The following DISC1 variants were observed in gnomAD, a reference collection of about 807,000 sequenced individuals.
DISC1 encodes DISC1 scaffold protein.
A neutral mutation model predicts 84.5 loss-of-function variants in DISC1; 57 were observed. That is an observed-to-expected ratio of 0.67 (90% confidence interval 0.55 to 0.84). DISC1 has a LOEUF of 0.84. Ranked by LOEUF, DISC1 falls within the 40% of genes least tolerant of loss-of-function variation. The pLI is 0.00. For synonymous variants in DISC1, 411 were observed against 415.2 expected, an observed-to-expected ratio of 0.99 and a Z score of 0.12; for missense variants, 1,000 against 1,057.8, an observed-to-expected ratio of 0.95 and a Z score of 0.76.
chr1:231,894,505 T>TC (rs2126011826), intron 9 of DISC1, among the ~76,000 whole-genome samples: 1 of 152,278 alleles, frequency 6.6e-6, no homozygotes, highest in Non-Finnish European at 1.5e-5. Context: ...ATCTTTTCCT[T>TC]CTTTTTTTTC....
rs1344605475 is a variant in DISC1, at chr1:232,009,924, C to T, written c.2307+875C>T. Among the ~76,000 whole-genome samples, 1 of 152,170 alleles carries T rather than the reference C, an allele frequency of 6.6e-6. No individual in the cohort carries two copies. The highest frequency in any genetic ancestry group is 1.5e-5 in the Non-Finnish European group (1 of 68,026). ...TGTTAGATGTTAGCTGTGCTTCCTCCCTGGGTCTTTGCCAGGACTCACCAC... is the reference window on the plus strand; with the variant it reads ...TGTTAGATGTTAGCTGTGCTTCCTCTCTGGGTCTTTGCCAGGACTCACCAC... On this transcript the variant is annotated intron_variant, in intron 11 of 12. Coordinates refer to ENST00000439617, the MANE Select transcript of DISC1 (RefSeq NM_018662.3). This position sits in a 1 kb window ranked among gnomAD's most constrained non-coding sequence, Gnocchi z 4.6.
At chr1:231,730,478 A>G (rs1385091547) in intron 3 of DISC1, among the ~76,000 whole-genome samples, 1 of 152,188 alleles carries the variant, frequency 6.6e-6, no homozygotes, top group Non-Finnish European at 1.5e-5. Context: ...GTTTGTGACA[A>G]GGATGTGTTG....
At chr1:231,727,539 T>C (rs2070891940) in intron 3 of DISC1, among the ~76,000 whole-genome samples, 1 of 152,186 alleles carries the variant, frequency 6.6e-6, no homozygotes, top group African/African-American at 2.4e-5. Flanking sequence ...CCTCTGGGTG[T>C]TGGGACTCAC....
At chr1:231,744,238 C>T (rs751206805) in intron 3 of DISC1, among the ~76,000 whole-genome samples, 2 of 152,014 alleles carry the variant, frequency 1.3e-5, no homozygotes, top group African/African-American at 2.4e-5. Context: ...GCTCATGGCC[C>T]GAGGTGATGG....
chr1:231,955,028 A>G (rs1270738772), intron 9 of DISC1, among the ~76,000 whole-genome samples: 1 of 152,222 alleles, frequency 6.6e-6, no homozygotes, highest in Non-Finnish European at 1.5e-5. Flanking sequence ...GAGATGAGGC[A>G]AATACTTAGC....
chr1:231,974,319 C>A (rs1662475150), intron 10 of DISC1, among the ~76,000 whole-genome samples: 1 of 152,138 alleles, frequency 6.6e-6, no homozygotes, highest in Admixed American at 6.5e-5. Context: ...AATATGATAT[C>A]ATTTAAAATA....
chr1:231,868,394 T>C (rs2085207246), intron 9 of DISC1, among the ~76,000 whole-genome samples: 2 of 152,100 alleles, frequency 1.3e-5, no homozygotes, highest in South Asian at 4.2e-4. Flanking sequence ...TGCTAGGCAA[T>C]ACTGAGCTTC....
chr1:231,983,093 T>C (rs78813530), intron 10 of DISC1, among the ~76,000 whole-genome samples: 1,587 of 152,182 alleles, frequency 0.01, 30 homozygotes, highest in African/African-American at 0.036. Flanking sequence ...AGAGACAGCA[T>C]GACCATGGCA....
chr1:232,005,657 C>T (rs1036878360), intron 10 of DISC1, among the ~76,000 whole-genome samples: 4 of 152,030 alleles, frequency 2.6e-5, no homozygotes, highest in Non-Finnish European at 4.4e-5. Context: ...TTTATCCTTC[C>T]GATCTCATCA....
intron 1 of DISC1, among the ~76,000 whole-genome samples, chr1:231,674,942 T>C (rs1357386129): frequency 2.0e-5 from 3 of 152,182 alleles, no homozygotes; most frequent in Non-Finnish European, 4.4e-5. Context: ...TCACTGGGGC[T>C]CTTTTGGAGG....
At chr1:232,026,658 G>A (rs1486909336) in intron 12 of DISC1, 106 bp downstream of exon 12, 16 of 773,008 alleles carry the variant, frequency 2.1e-5, no homozygotes, top group Middle Eastern at 3.0e-4. Context: ...AATAGATGCT[G>A]CCGTTATTTA....
At chr1:232,022,780 T>C (rs752523495) in intron 11 of DISC1, among the ~76,000 whole-genome samples, 1 of 152,216 alleles carries the variant, frequency 6.6e-6, no homozygotes, top group Non-Finnish European at 1.5e-5. Flanking sequence ...GAGAGCATTA[T>C]AGTAAAATAA....
In DISC1 at chr1:231,897,419, T is replaced by A. The variant is rs564446150; in HGVS notation, c.1982-61409T>A. 6.6e-6 allele frequency among the ~76,000 whole-genome samples: 1 copy of A among 152,340 alleles called. No homozygotes were observed. Among genetic ancestry groups the A allele is most frequent in the South Asian group, 2.1e-4 (1 of 4,830 alleles). On this transcript the variant is annotated intron_variant, in intron 9 of 12. Coordinates refer to ENST00000439617, the MANE Select transcript of DISC1 (RefSeq NM_018662.3). The surrounding 1 kb of genome is among the most constrained non-coding windows in gnomAD (Gnocchi z 4.5). ...GGCAGGTTGTTTTATCTTCCCCTGA[T>A]GAATTGACCGGTCCAGAGAGCATTT...
At chr1:231,789,723 A>T (rs1235401632) in intron 6 of DISC1, among the ~76,000 whole-genome samples, 2 of 152,110 alleles carry the variant, frequency 1.3e-5, no homozygotes, top group African/African-American at 4.8e-5. Flanking sequence ...GGCTTGTATT[A>T]TCTAGATTAG....
intron 11 of DISC1, among the ~76,000 whole-genome samples, chr1:232,020,349 A>C (rs190052522): frequency 6.6e-6 from 1 of 152,296 alleles, no homozygotes; most frequent in East Asian, 1.9e-4. Flanking sequence ...TCAAAAAATA[A>C]ATAAATAAAT....
intron 6 of DISC1, chr1:231,774,765 T>G (rs971156463): frequency 8.8e-6 from 4 of 456,036 alleles, no homozygotes; most frequent in Non-Finnish European, 1.3e-5. Context: ...AGCATGGATC[T>G]GCAGAAGTGA....
At chr1:231,818,830 G>A in intron 9 of DISC1, 1 of 1,154,056 alleles carries the variant, frequency 8.7e-7, no homozygotes, top group South Asian at 2.5e-5. Context: ...TTTTCTTTGT[G>A]TGACAATTAT....
chr1:231,788,067 G>A (rs962468225), intron 6 of DISC1, among the ~76,000 whole-genome samples: 1 of 152,212 alleles, frequency 6.6e-6, no homozygotes, highest in African/African-American at 2.4e-5. Flanking sequence ...TGGATCACTT[G>A]AGGTCAGGAG....
intron 9 of DISC1, among the ~76,000 whole-genome samples, chr1:231,838,612 A>G (rs1226388866): frequency 1.3e-5 from 2 of 152,168 alleles, no homozygotes; most frequent in African/African-American, 2.4e-5. Flanking sequence ...CATTGGGTGA[A>G]TGTCCCTGTC....
Sources: gnomAD v4.1 joint callset for allele counts (sites outside exome capture counted in the v4.1 genomes callset) on GRCh38, gnomAD v4.1.1 for gene constraint, Gnocchi (gnomAD v3.1) non-coding constraint, MANE v1.5 for transcripts, NCBI Gene and HGNC (gene_info 2026-07-23, HGNC 2026-07-21) for gene names.